Variants in MTMR12 observed in about 807,000 individuals in gnomAD.
MTMR12 encodes the protein myotubularin-related protein 12.
Under a neutral mutation model 96.7 loss-of-function variants are expected in MTMR12, and 33 were observed. The observed-to-expected ratio is 0.34, with a 90% CI of 0.26 to 0.46. The LOEUF is 0.46. Among genes scored for constraint, MTMR12 ranks in the 20% least tolerant of loss-of-function variants. The pLI, the probability that MTMR12 is intolerant of heterozygous loss-of-function variation, is 1.00. For missense variants in MTMR12, 721 were observed against 896.1 expected (o/e 0.80, Z 2.49); for synonymous variants, 298 against 327.2 (o/e 0.91, Z 0.96).
At chr5:32,284,290 C>A (rs1177595612) in intron 1 of MTMR12, among the ~76,000 whole-genome samples, 3 of 142,654 alleles carry the variant, frequency 2.1e-5, no homozygotes, top group African/African-American at 8.1e-5. Context: ...TGTACTCCAG[C>A]CTGGGTGACA....
intron 12 of MTMR12, among the ~76,000 whole-genome samples, chr5:32,239,470 G>C (rs1006360119): frequency 6.6e-6 from 1 of 152,298 alleles, no homozygotes; most frequent in African/African-American, 2.4e-5. Context: ...CAGCTTGTGG[G>C]GGTCTAGGTG....
chr5:32,255,136 A>G (rs1185100896), intron 8 of MTMR12, among the ~76,000 whole-genome samples: 6 of 152,146 alleles, frequency 3.9e-5, no homozygotes, highest in Non-Finnish European at 7.4e-5. Flanking sequence ...CACAGCACTT[A>G]TTTATAATTC....
intron 5 of MTMR12, 54 bp from the exon 6 acceptor site, chr5:32,268,848 A>C: frequency 1.4e-6 from 2 of 1,443,440 alleles, no homozygotes; most frequent in South Asian, 2.3e-5. Context: ...ATAAACACTA[A>C]CAAAGACAAG....
intron 1 of MTMR12, among the ~76,000 whole-genome samples, chr5:32,293,077 T>C (rs1361561223): frequency 2.0e-5 from 3 of 152,200 alleles, no homozygotes; most frequent in Non-Finnish European, 4.4e-5. Flanking sequence ...TGTGTTATGT[T>C]AGGCGTAATT....
At chr5:32,276,057 A>G (rs1158699831) in intron 2 of MTMR12, among the ~76,000 whole-genome samples, 1 of 152,274 alleles carries the variant, frequency 6.6e-6, no homozygotes, top group South Asian at 2.1e-4. Context: ...CATGGATCAC[A>G]GAATATCCCA....
At chr5:32,246,169 A>C in intron 10 of MTMR12, among the ~76,000 whole-genome samples, 1 of 130,806 alleles carries the variant, frequency 7.6e-6, no homozygotes, top group Middle Eastern at 3.9e-3. Flanking sequence ...TTGAGTAGAC[A>C]GTTTTTTTTT....
chr5:32,251,204 C>T lies in MTMR12; in HGVS notation c.790-2326G>A, dbSNP rs1034078926. Among the ~76,000 whole-genome samples, 6 of 151,986 alleles carry T rather than the reference C, an allele frequency of 3.9e-5. No individual in the cohort carries two copies. In the South Asian group the frequency reaches 1.0e-3, roughly 26 times the overall value. On this transcript the variant is annotated intron_variant, in intron 8 of 15. Coordinates refer to ENST00000382142, the MANE Select transcript of MTMR12 (RefSeq NM_001040446.3). ...CCGAGTAGCTGGGACTACAGGCGCC[C>T]GCCACTACGCCCGGCTAATTTTTTG...
chr5:32,247,269 G>A (rs914459322), intron 10 of MTMR12, among the ~76,000 whole-genome samples: 4 of 152,160 alleles, frequency 2.6e-5, no homozygotes, highest in African/African-American at 9.7e-5. Context: ...AGGATCACTT[G>A]AGCCTGGGAG....
At chr5:32,273,624 C>A (rs575792067) in intron 3 of MTMR12, among the ~76,000 whole-genome samples, 1 of 151,844 alleles carries the variant, frequency 6.6e-6, no homozygotes, top group Admixed American at 6.6e-5. Context: ...ACATGAGGCA[C>A]GGGTGAGAAA....
chr5:32,231,784 G>T (rs181464411), intron 15 of MTMR12, among the ~76,000 whole-genome samples: 1 of 152,160 alleles, frequency 6.6e-6, no homozygotes, highest in Non-Finnish European at 1.5e-5. Context: ...TTTCTCCATC[G>T]TGAAGATGTG....
At chr5:32,307,627 A>G (rs1044421627) in intron 1 of MTMR12, among the ~76,000 whole-genome samples, 4 of 152,238 alleles carry the variant, frequency 2.6e-5, no homozygotes, top group Non-Finnish European at 4.4e-5. Flanking sequence ...TCACTGATTT[A>G]GAATAATCAA....
intron 1 of MTMR12, among the ~76,000 whole-genome samples, chr5:32,279,588 G>C (rs575902225): frequency 1.3e-5 from 2 of 152,280 alleles, no homozygotes; most frequent in South Asian, 4.1e-4. Context: ...CCACAAAACT[G>C]ATCAGAACAA....
chr5:32,270,728 C>T, intron 5 of MTMR12, 89 bp downstream of exon 5: 9 of 1,428,568 alleles, frequency 6.3e-6, no homozygotes, highest in Non-Finnish European at 7.6e-6. Flanking sequence ...AAAGCCTCCC[C>T]TCAACCTTCA....
At position 32,233,792 on chromosome 5, in the gene MTMR12, C is replaced by T. The variant is rs779822576; in HGVS notation, c.1655G>A (p.Arg552Gln). 1.6e-5 allele frequency: 26 copies of T among 1,614,064 alleles called. No homozygotes were observed. The highest frequency in any genetic ancestry group is 3.3e-5 in the Admixed American group (2 of 60,010). Residue 552 changes from arginine to glutamine, a missense_variant, in exon 15 of 16, where the codon CGG becomes CAG. Arg to Gln is a conservative substitution (Grantham distance 43, BLOSUM62 1). Transcript: ENST00000382142. This position sits in a 1 kb window ranked among gnomAD's most constrained non-coding sequence, Gnocchi z 5.0. ...VEKPKLDKGQ[R>Q]KGMRFKHQRQ... ...TCTTACTTTGAAGCGCATTCCTTTC[C>T]GTTGGCCTTTGTCCAGTTTTGGCTT...
At chr5:32,293,141 T>A (rs1445844609) in intron 1 of MTMR12, among the ~76,000 whole-genome samples, 10 of 152,154 alleles carry the variant, frequency 6.6e-5, no homozygotes, top group East Asian at 1.9e-4. Flanking sequence ...AGGAGATGTG[T>A]ATGGGTTCAA....
chr5:32,245,604 G>C (rs1748648276), intron 10 of MTMR12, among the ~76,000 whole-genome samples: 1 of 152,126 alleles, frequency 6.6e-6, no homozygotes, highest in South Asian at 2.1e-4. Context: ...GAGGAGGGTA[G>C]ATCACTTGAG....
intron 1 of MTMR12, among the ~76,000 whole-genome samples, chr5:32,284,340 A>G (rs750796945): frequency 6.7e-6 from 1 of 149,466 alleles, no homozygotes; most frequent in Non-Finnish European, 1.5e-5. Context: ...AAAAAAAAAG[A>G]ATAGAAAAGA....
At chr5:32,305,226 T>A (rs1178655449) in intron 1 of MTMR12, among the ~76,000 whole-genome samples, 1 of 152,082 alleles carries the variant, frequency 6.6e-6, no homozygotes, top group Non-Finnish European at 1.5e-5. Context: ...GTAGCTGGAA[T>A]TACAGGCGTT....
At chr5:32,247,651 A>C (rs371025911) in intron 10 of MTMR12, 1 of 799,170 alleles carries the variant, frequency 1.3e-6, no homozygotes, top group Non-Finnish European at 1.5e-6. Flanking sequence ...AACATTATTC[A>C]CTTTATAAAT....
Sources: gnomAD v4.1 joint callset for allele counts (sites outside exome capture counted in the v4.1 genomes callset) on GRCh38, gnomAD v4.1.1 for gene constraint, Gnocchi (gnomAD v3.1) non-coding constraint, MANE v1.5 for transcripts, NCBI Gene and HGNC (gene_info 2026-07-23, HGNC 2026-07-21) for gene names.